CSTPP1: variants seen among roughly 807,000 people sequenced by gnomAD.
CSTPP1 encodes the protein centriolar satellite-associated tubulin polyglutamylase complex regulator 1.
At chr11:47,118,086 G>A in the CSTPP1 span, among the ~76,000 whole-genome samples, 299 of 151,974 alleles carry the variant, frequency 2.0e-3, 1 homozygote, top group Middle Eastern at 6.8e-3. Flanking sequence ...CACCATGTTG[G>A]TCAAGCTGGT....
chr11:47,060,181 C>T, the CSTPP1 span, among the ~76,000 whole-genome samples: 98,914 of 147,896 alleles, frequency 0.67, 33,652 homozygotes, highest in African/African-American at 0.73. Context: ...GGCCACAGCG[C>T]TTATAAGTAG....
chr11:47,075,430 G>A, the CSTPP1 span, among the ~76,000 whole-genome samples: 1 of 151,794 alleles, frequency 6.6e-6, no homozygotes, highest in Non-Finnish European at 1.5e-5. Context: ...AGATGTAAAG[G>A]CACAAGAACA....
chr11:46,957,432 A>T, the CSTPP1 span, among the ~76,000 whole-genome samples: 1 of 152,184 alleles, frequency 6.6e-6, no homozygotes, highest in Non-Finnish European at 1.5e-5. Context: ...TATGAAAATG[A>T]CTTTATACTA....
At chr11:47,101,943 A>G in the CSTPP1 span, among the ~76,000 whole-genome samples, 2 of 152,222 alleles carry the variant, frequency 1.3e-5, no homozygotes, top group Admixed American at 6.5e-5. Context: ...AAATTTAGCT[A>G]TCTAACCTCT....
the CSTPP1 span, among the ~76,000 whole-genome samples, chr11:47,116,634 T>C: frequency 1.3e-5 from 2 of 151,960 alleles, no homozygotes; most frequent in African/African-American, 4.8e-5. Context: ...GAGACTAGGA[T>C]TGCAATCCCT....
chr11:47,082,073 C>A, the CSTPP1 span, among the ~76,000 whole-genome samples: 2 of 148,850 alleles, frequency 1.3e-5, no homozygotes, highest in African/African-American at 4.9e-5. Flanking sequence ...TCACTTGAGC[C>A]CAGGAGTTGG....
chr11:46,953,438 C>G, the CSTPP1 span, among the ~76,000 whole-genome samples: 5 of 152,068 alleles, frequency 3.3e-5, no homozygotes, highest in Admixed American at 1.3e-4. Context: ...ATGATGAATA[C>G]TTGATGGAAC....
At chr11:47,161,968 G>GGTC in the CSTPP1 span, 1 of 1,062,570 alleles carries the variant, frequency 9.4e-7, no homozygotes, top group Non-Finnish European at 1.1e-6. Context: ...AGCCTCTGCG[G>GGTC]GTCCCCCAAT....
chr11:47,048,414 G>A, the CSTPP1 span, among the ~76,000 whole-genome samples: 1 of 152,048 alleles, frequency 6.6e-6, no homozygotes, highest in Non-Finnish European at 1.5e-5. Context: ...AAGGCCAGGA[G>A]TTCAAGGCTT....
chr11:47,141,689 T>C, the CSTPP1 span, among the ~76,000 whole-genome samples: 1 of 151,532 alleles, frequency 6.6e-6, no homozygotes, highest in African/African-American at 2.4e-5. Flanking sequence ...ATCCCAGCAC[T>C]TTGGAAGGCT....
chr11:47,120,616 G>A, the CSTPP1 span, among the ~76,000 whole-genome samples: 2 of 152,158 alleles, frequency 1.3e-5, no homozygotes, highest in Non-Finnish European at 1.5e-5. The surrounding 1 kb of genome is among the most constrained non-coding windows in gnomAD (Gnocchi z 4.2). Flanking sequence ...AATAAATAGT[G>A]GAATATGTAA....
At chr11:47,045,049 T>G in the CSTPP1 span, among the ~76,000 whole-genome samples, 2 of 152,192 alleles carry the variant, frequency 1.3e-5, no homozygotes, top group Admixed American at 6.5e-5. Context: ...AGAAAATTGT[T>G]TATATGAATT....
chr11:46,936,833 C>T, the CSTPP1 span: 4 of 1,603,182 alleles, frequency 2.5e-6, no homozygotes, highest in Non-Finnish European at 3.4e-6. Flanking sequence ...CCTAGCCCTA[C>T]CGGACTACGA....
the CSTPP1 span, chr11:47,161,414 C>T: frequency 1.2e-6 from 2 of 1,607,604 alleles, no homozygotes; most frequent in Middle Eastern, 2.1e-4. Flanking sequence ...AGGCCCTGCT[C>T]TCTGTACAGG....
the CSTPP1 span, among the ~76,000 whole-genome samples, chr11:47,103,522 A>G: frequency 6.6e-6 from 1 of 152,052 alleles, no homozygotes; most frequent in African/African-American, 2.4e-5. Context: ...TATATCCAAC[A>G]TATTCTTCCT....
At chr11:47,138,951 G>C in the CSTPP1 span, among the ~76,000 whole-genome samples, 1 of 113,374 alleles carries the variant, frequency 8.8e-6, no homozygotes, top group Admixed American at 1.3e-4. Context: ...TTGCACTCCA[G>C]CCTGGGCGAC....
At chr11:47,145,830 C>G in the CSTPP1 span, among the ~76,000 whole-genome samples, 1 of 152,118 alleles carries the variant, frequency 6.6e-6, no homozygotes, top group Non-Finnish European at 1.5e-5. Context: ...GGGCAGTGAT[C>G]TTGCTGTGTT....
the CSTPP1 span, among the ~76,000 whole-genome samples, chr11:47,016,929 G>A: frequency 2.3e-5 from 3 of 129,060 alleles, no homozygotes; most frequent in Admixed American, 1.9e-4. Flanking sequence ...TGCAGGCTCC[G>A]CCTCCCAGGT....
At chr11:46,966,938 A>G in the CSTPP1 span, among the ~76,000 whole-genome samples, 2 of 152,006 alleles carry the variant, frequency 1.3e-5, no homozygotes, top group African/African-American at 4.8e-5. Flanking sequence ...GTGCTGGCCA[A>G]TTTGGCTCCT....
Sources: gnomAD v4.1 joint callset for allele counts (sites outside exome capture counted in the v4.1 genomes callset) on GRCh38, gnomAD v4.1.1 for gene constraint, Gnocchi (gnomAD v3.1) non-coding constraint, MANE v1.5 for transcripts, NCBI Gene and HGNC (gene_info 2026-07-23, HGNC 2026-07-21) for gene names.